COL4A5: variants seen among roughly 807,000 people sequenced by gnomAD.
The protein encoded by COL4A5 is collagen type IV alpha 5 chain, also known as collagen alpha-5(IV) chain.
In COL4A5, 26 loss-of-function variants were observed where a neutral mutation model predicts 130.2. That is an observed-to-expected ratio of 0.20 (90% CI 0.15 to 0.28). COL4A5 has a LOEUF of 0.28. Among genes scored for constraint, COL4A5 ranks in the 10% least tolerant of loss-of-function variants. COL4A5 has a pLI of 1.00. For missense variants in COL4A5, 1,131 were observed against 1,344.3 expected, an observed-to-expected ratio of 0.84 and a Z score of 2.48; for synonymous variants, 496 against 439.6, an observed-to-expected ratio of 1.13 and a Z score of -1.60.
intron 1 of COL4A5, among the ~76,000 whole-genome samples, chrX:108,449,336 G>A (rs1475378656): frequency 3.6e-5 from 4 of 112,120 alleles, no homozygotes; most frequent in South Asian, 7.4e-4. Context: ...TAAGAAACTG[G>A]TGTATTTGTT....
intron 1 of COL4A5, among the ~76,000 whole-genome samples, chrX:108,452,832 A>C (rs77411795): frequency 1.8e-5 from 2 of 111,065 alleles, no homozygotes; most frequent in Non-Finnish European, 3.8e-5. Context: ...TCTCCTGCCT[A>C]ATTGCCCTGG....
At chrX:108,590,866 T>C (rs1163773779) in intron 19 of COL4A5, among the ~76,000 whole-genome samples, 192 bp from the exon 20 acceptor site, 1 of 112,247 alleles carries the variant, frequency 8.9e-6, no homozygotes, top group East Asian at 2.8e-4. Flanking sequence ...TATTATTTCC[T>C]ACCCTCAAAC....
chrX:108,652,226 G>A (rs992105307), intron 36 of COL4A5, among the ~76,000 whole-genome samples: 4 of 112,066 alleles, frequency 3.6e-5, no homozygotes, highest in Non-Finnish European at 7.5e-5. Context: ...ATTATGTGCA[G>A]TTTTATATAT....
intron 1 of COL4A5, among the ~76,000 whole-genome samples, chrX:108,506,866 C>T (rs2065129008): frequency 2.7e-5 from 3 of 110,909 alleles, no homozygotes; most frequent in African/African-American, 9.9e-5. Context: ...CTGCCTCAGC[C>T]TCCTGAGTAG....
chrX:108,597,793 T>C (rs2066547577), intron 24 of COL4A5, among the ~76,000 whole-genome samples: 1 of 111,470 alleles, frequency 9.0e-6, no homozygotes, highest in African/African-American at 3.3e-5. Flanking sequence ...CCCATTAATA[T>C]TGAATACTAT....
chrX:108,633,305 TAA>T (rs1333443480), intron 36 of COL4A5, among the ~76,000 whole-genome samples: 1 of 111,502 alleles, frequency 9.0e-6, no homozygotes, highest in East Asian at 2.8e-4. Flanking sequence ...CCTGAGATTA[TAA>T]AAATAGATTT....
At position 108,532,787 on chromosome X, in the gene COL4A5, T is replaced by A. The variant is rs761551116; in HGVS notation, c.82-6959T>A. On this transcript the variant is annotated intron_variant, in intron 1 of 52. Transcript: ENST00000328300. ...GAAAGAAAGAAAGAAAGCAATTCCA[T>A]TTACATTTGGTAAAATAAGTAAAAT... Among the ~76,000 whole-genome samples the A allele has an allele frequency of 9.8e-5, 11 of 111,694 alleles. No individual in the cohort carries two copies. In the South Asian group the frequency reaches 4.1e-3, roughly 41 times the overall value.
intron 36 of COL4A5, among the ~76,000 whole-genome samples, chrX:108,651,604 A>G (rs1433139294): frequency 9.0e-6 from 1 of 111,505 alleles, no homozygotes; most frequent in Non-Finnish European, 1.9e-5. Flanking sequence ...TATGAATCAT[A>G]TTTTTTCTTT....
chrX:108,680,764 AT>A lies in COL4A5; in HGVS notation c.4015+18del, dbSNP rs1308080589. ...CCAGGATTCCCAGGTATTTGAAGGG[AT>A]TTTTGTGGTTTCCCTTTATATTAAA... On this transcript the variant is annotated intron_variant, in intron 45 of 52. Transcript: ENST00000328300. 8.3e-7 allele frequency: 1 copy of A among 1,204,144 alleles called. No individual in the cohort carries two copies. The highest frequency in any genetic ancestry group is 1.1e-6 in the Non-Finnish European group (1 of 889,309).
chrX:108,621,184 A>T (rs1603297699), intron 31 of COL4A5, among the ~76,000 whole-genome samples: 1 of 80,688 alleles, frequency 1.2e-5, no homozygotes, highest in Admixed American at 1.7e-4. Flanking sequence ...ACAGGGTCTC[A>T]CTCTGTCACC....
intron 1 of COL4A5, among the ~76,000 whole-genome samples, chrX:108,516,027 GCTT>G (rs1464640131): frequency 8.9e-6 from 1 of 111,907 alleles, no homozygotes; most frequent in African/African-American, 3.2e-5. Context: ...TGGTAGCAGA[GCTT>G]CTTCTTTGCT....
intron 10 of COL4A5, among the ~76,000 whole-genome samples, chrX:108,576,561 A>G (rs958139388): frequency 8.9e-6 from 1 of 112,156 alleles, no homozygotes; most frequent in Non-Finnish European, 1.9e-5. Flanking sequence ...TTACTTCTGC[A>G]ATACTTAGAT....
chrX:108,499,754 C>A (rs2065063151), intron 1 of COL4A5, among the ~76,000 whole-genome samples: 1 of 111,410 alleles, frequency 9.0e-6, no homozygotes, highest in South Asian at 3.7e-4. Context: ...TGTAACTAGT[C>A]CCCTACATAA....
intron 1 of COL4A5, among the ~76,000 whole-genome samples, chrX:108,526,727 T>C (rs759895649): frequency 2.3e-4 from 20 of 85,675 alleles, no homozygotes; most frequent in African/African-American, 8.5e-4. Context: ...CTTTCTTTCT[T>C]CCTCCTCCTC....
intron 52 of COL4A5, chrX:108,695,680 G>A: frequency 2.7e-6 from 1 of 376,961 alleles, no homozygotes. Context: ...ATGAAACAGA[G>A]ATAAAGAAAG....
At chrX:108,564,787 A>C (rs776340760) in intron 4 of COL4A5, among the ~76,000 whole-genome samples, 194 of 111,831 alleles carry the variant, frequency 1.7e-3, no homozygotes, top group Admixed American at 3.0e-3. Context: ...CGTGTGTGAC[A>C]AAGATAACCA....
In COL4A5 at chrX:108,606,808, C is replaced by G. The variant is rs749759372; in HGVS notation, c.2311C>G (p.Leu771Val). 1 of 1,209,684 alleles carries G rather than the reference C, an allele frequency of 8.3e-7. No individual in the cohort carries two copies. The highest frequency in any genetic ancestry group is 1.1e-6 in the Non-Finnish European group (1 of 894,937). Residue 771 changes from leucine (L) to valine (V), a missense_variant, in exon 29 of 53, where the codon CTT (leucine) becomes GTT (valine). Transcript: ENST00000328300. Reference protein sequence around the residue: ...PPGLPGFKGALGPKGDRGFPG... With the variant: ...PPGLPGFKGAVGPKGDRGFPG... ...AGGACTTCCAGGTTTCAAAGGAGCA[C>G]TTGGTCCAAAAGGTGATCGTGGTTT...
chrX:108,573,746 A>G lies in COL4A5; in HGVS notation c.546+92A>G, dbSNP rs1358710659. On this transcript the variant is annotated intron_variant, in intron 9 of 52. Coordinates refer to ENST00000328300, the MANE Select transcript of COL4A5 (RefSeq NM_033380.3). ...ACCTTTAGTACTCTCTGTTTTTGTC[A>G]TAAAAATTATCATCAGATGTTTACT... The G allele has an allele frequency of 2.4e-5, 15 of 634,098 alleles. No individual in the cohort carries two copies. In the East Asian group the frequency reaches 3.3e-4, roughly 14 times the overall value. The allele number at this position is 634,098 out of a possible 1,213,427, so 52.3% of individuals were successfully genotyped here.
At chrX:108,634,894 A>G (rs2067326360) in intron 36 of COL4A5, among the ~76,000 whole-genome samples, 1 of 111,138 alleles carries the variant, frequency 9.0e-6, no homozygotes, top group South Asian at 3.7e-4. Flanking sequence ...AACAAAGAGT[A>G]CCCATATTAT....
Sources: gnomAD v4.1 joint callset for allele counts (sites outside exome capture counted in the v4.1 genomes callset) on GRCh38, gnomAD v4.1.1 for gene constraint, MANE v1.5 for transcripts, NCBI Gene and HGNC (gene_info 2026-07-23, HGNC 2026-07-21) for gene names.